Variants in TMEM51 observed in about 807,000 individuals in gnomAD.
The protein encoded by TMEM51 is chromosome 1 open reading frame 72.
Under a neutral mutation model 13.6 loss-of-function variants are expected in TMEM51, and 8 were observed. That is an observed-to-expected ratio of 0.59 (90% CI 0.35 to 1.07). The LOEUF (loss-of-function observed/expected upper bound fraction) is 1.07, where lower values mean the gene tolerates loss of function less well. TMEM51 is among the 50% of genes least tolerant of loss of function. The probability of loss-of-function intolerance (pLI) is 0.02; values close to 1 mark genes in which losing one functional copy is unlikely to be tolerated. For missense variants in TMEM51, 279 were observed against 330.7 expected (o/e 0.84, Z 1.21); for synonymous variants, 147 against 144.4 (o/e 1.02, Z -0.13).
At chr1:15,166,432 C>T (rs1046805549) in intron 1 of TMEM51, among the ~76,000 whole-genome samples, 1 of 152,170 alleles carries the variant, frequency 6.6e-6, no homozygotes, top group African/African-American at 2.4e-5. Context: ...AGAAAATACT[C>T]ACCCAAGGCT....
chr1:15,155,491 T>G (rs527924683), intron 1 of TMEM51, among the ~76,000 whole-genome samples: 1 of 152,318 alleles, frequency 6.6e-6, no homozygotes, highest in African/African-American at 2.4e-5. Flanking sequence ...GTAAGTTATG[T>G]CACAGGGCTT....
intron 2 of TMEM51, among the ~76,000 whole-genome samples, chr1:15,214,419 G>A (rs977212613): frequency 1.3e-5 from 2 of 152,202 alleles, no homozygotes; most frequent in East Asian, 3.9e-4. Context: ...CCTGCAGGAA[G>A]TAGGGAGCCA....
rs1644403060 is a variant in TMEM51 at position 15,214,993 on chromosome 1, T to C, written c.-95T>C. ...ATTTTCTAGTGTGGGGCGAGAGATT[T>C]TGTGGAGCGCATTTAAGGGGTTTTT... On this transcript the variant is annotated 5_prime_UTR_variant, in exon 3 of 4. Transcript: ENST00000376008. 1 of 1,184,946 alleles carries C rather than the reference T, an allele frequency of 8.4e-7. No individual in the cohort carries two copies. The highest frequency in any genetic ancestry group is 1.2e-6 in the Non-Finnish European group (1 of 848,904). 73.4% of individuals were successfully genotyped at this position (1,184,946 alleles called of 1,614,324 possible).
chr1:15,197,560 G>A (rs1262037708), intron 1 of TMEM51, among the ~76,000 whole-genome samples: 1 of 152,022 alleles, frequency 6.6e-6, no homozygotes, highest in Admixed American at 6.5e-5. Context: ...CTCTCCAAAA[G>A]CCCCGTACTG....
intron 1 of TMEM51, among the ~76,000 whole-genome samples, chr1:15,163,659 A>T (rs1008772746): frequency 1.3e-5 from 2 of 148,348 alleles, no homozygotes; most frequent in Non-Finnish European, 3.0e-5. Context: ...CAACAAAATT[A>T]GAAAGCCATT....
intron 1 of TMEM51, among the ~76,000 whole-genome samples, chr1:15,175,565 A>T (rs1426426066): frequency 6.6e-6 from 1 of 152,196 alleles, no homozygotes; most frequent in African/African-American, 2.4e-5. Context: ...GCTAATAAAG[A>T]CATACCCGAG....
chr1:15,190,060 G>C (rs1643895254), intron 1 of TMEM51, among the ~76,000 whole-genome samples: 1 of 152,222 alleles, frequency 6.6e-6, no homozygotes, highest in Non-Finnish European at 1.5e-5. Context: ...AGATAAAGGA[G>C]TGCTTTGTTC....
At chr1:15,157,432 G>T (rs1490188130) in intron 1 of TMEM51, among the ~76,000 whole-genome samples, 1 of 152,188 alleles carries the variant, frequency 6.6e-6, no homozygotes, top group East Asian at 1.9e-4. Context: ...CAACTGGGGA[G>T]ACCAAGACCC....
chr1:15,171,118 T>TCCCCCCCCCC, intron 1 of TMEM51: 3 of 547,038 alleles, frequency 5.5e-6, no homozygotes, highest in South Asian at 5.4e-5. Flanking sequence ...CCCCGCCACA[T>TCCCCCCCCCC]CCCCCACCCC....
intron 1 of TMEM51, among the ~76,000 whole-genome samples, chr1:15,190,081 T>A (rs1643895592): frequency 6.6e-6 from 1 of 152,180 alleles, no homozygotes; most frequent in Admixed American, 6.5e-5. Context: ...ATGGAACTGG[T>A]GTGTAGATTA....
At chr1:15,202,109 C>A (rs1644166547) in intron 1 of TMEM51, among the ~76,000 whole-genome samples, 1 of 152,194 alleles carries the variant, frequency 6.6e-6, no homozygotes, top group Non-Finnish European at 1.5e-5. Context: ...TTGGTCCCAG[C>A]AATGTTAGAA....
chr1:15,196,925 C>T (rs1644061925), intron 1 of TMEM51, among the ~76,000 whole-genome samples: 2 of 152,148 alleles, frequency 1.3e-5, no homozygotes, highest in South Asian at 4.1e-4. Context: ...ATGCAGGAGA[C>T]AGAAAACTCA....
At chr1:15,180,502 T>C (rs1279696473) in intron 1 of TMEM51, among the ~76,000 whole-genome samples, 1 of 152,210 alleles carries the variant, frequency 6.6e-6, no homozygotes, top group African/African-American at 2.4e-5. Context: ...CTCCAGATAA[T>C]GATTTTGGCT....
At chr1:15,181,689 T>G (rs966416378) in intron 1 of TMEM51, among the ~76,000 whole-genome samples, 1 of 152,232 alleles carries the variant, frequency 6.6e-6, no homozygotes, top group Non-Finnish European at 1.5e-5. Context: ...ACAACCTTTC[T>G]GTTTATTTAT....
chr1:15,180,638 T>C (rs1557840845), intron 1 of TMEM51, among the ~76,000 whole-genome samples: 1 of 152,172 alleles, frequency 6.6e-6, no homozygotes. Context: ...TTCTCCATGA[T>C]TGCCTATGTT....
At chr1:15,189,594 A>G (rs1643887549) in intron 1 of TMEM51, among the ~76,000 whole-genome samples, 1 of 152,142 alleles carries the variant, frequency 6.6e-6, no homozygotes. Flanking sequence ...AGGCTGGGAC[A>G]CCCACCGTGG....
chr1:15,197,234 T>C (rs940159323), intron 1 of TMEM51, among the ~76,000 whole-genome samples: 4 of 152,186 alleles, frequency 2.6e-5, no homozygotes, highest in Non-Finnish European at 4.4e-5. Flanking sequence ...GAGGCCCTGA[T>C]TGGCCAGGCC....
intron 1 of TMEM51, chr1:15,191,741 A>AG (rs113059619): frequency 0.57 from 166,550 of 290,806 alleles, 43,537 homozygotes; most frequent in East Asian, 0.81. Flanking sequence ...TTCTCTGGGG[A>AG]GAAATTTTTT....
chr1:15,156,595 ATCC>A (rs1390970554), intron 1 of TMEM51, among the ~76,000 whole-genome samples: 4 of 152,182 alleles, frequency 2.6e-5, no homozygotes, highest in African/African-American at 7.2e-5. Context: ...GCTGGGAGGA[ATCC>A]TCCTCTTGCA....
Sources: allele counts gnomAD v4.1 joint callset (sites outside exome capture counted in the v4.1 genomes callset), GRCh38; gene constraint gnomAD v4.1.1; transcripts MANE v1.5; gene names NCBI Gene and HGNC (gene_info 2026-07-23, HGNC 2026-07-21).